Variants in RB1 observed in about 807,000 individuals in gnomAD.
The protein encoded by RB1 is retinoblastoma-associated protein.
A neutral mutation model predicts 135.4 loss-of-function variants in RB1; 18 were observed. That is an observed-to-expected ratio of 0.13 (90% CI 0.09 to 0.20). RB1 has a LOEUF of 0.20. RB1 is among the 10% of genes least tolerant of loss of function. The probability of loss-of-function intolerance (pLI) is 1.00; values close to 1 mark genes in which losing one functional copy is unlikely to be tolerated. For missense variants in RB1, 868 were observed against 1,110.0 expected, an observed-to-expected ratio of 0.78 and a Z score of 3.10; for synonymous variants, 365 against 373.2, an observed-to-expected ratio of 0.98 and a Z score of 0.25.
At chr13:48,403,227 T>A (rs1345457304) in intron 17 of RB1, among the ~76,000 whole-genome samples, 1 of 152,144 alleles carries the variant, frequency 6.6e-6, no homozygotes, top group African/African-American at 2.4e-5. Context: ...CAATTGCTTT[T>A]AAAAATGAAA....
intron 2 of RB1, among the ~76,000 whole-genome samples, chr13:48,313,602 C>T (rs1236434740): frequency 6.6e-6 from 1 of 150,912 alleles, no homozygotes; most frequent in Non-Finnish European, 1.5e-5. Context: ...TGTGGATATC[C>T]AGTTGTCTCT....
intron 17 of RB1, among the ~76,000 whole-genome samples, chr13:48,436,903 C>G (rs1294241491): frequency 1.3e-5 from 2 of 152,140 alleles, no homozygotes; most frequent in African/African-American, 4.8e-5. Context: ...AAAACAATAG[C>G]AATTTCTGCC....
At chr13:48,452,717 G>GT (rs1332683400) in intron 17 of RB1, among the ~76,000 whole-genome samples, 7 of 151,030 alleles carry the variant, frequency 4.6e-5, no homozygotes, top group Non-Finnish European at 8.9e-5. Flanking sequence ...CACTTTCTTC[G>GT]TTTTTTTTCT....
At chr13:48,422,924 T>G (rs1030922759) in intron 17 of RB1, 1 of 152,256 alleles carries the variant, frequency 6.6e-6, no homozygotes, top group Non-Finnish European at 1.5e-5. Context: ...GAGGATCACT[T>G]GAGACCAGGA....
chr13:48,332,898 G>C (rs1379339101), intron 2 of RB1: 2 of 395,550 alleles, frequency 5.1e-6, no homozygotes, highest in African/African-American at 2.1e-5. Context: ...CTGCATTAAA[G>C]TTTAATTTGT....
intron 26 of RB1, among the ~76,000 whole-genome samples, chr13:48,479,601 T>C (rs1949524798): frequency 6.6e-6 from 1 of 152,110 alleles, no homozygotes; most frequent in Non-Finnish European, 1.5e-5. Flanking sequence ...CTCACAGGGA[T>C]ATATGATTTT....
intron 2 of RB1, among the ~76,000 whole-genome samples, chr13:48,338,842 C>G (rs1952412547): frequency 6.6e-6 from 1 of 152,114 alleles, no homozygotes; most frequent in Admixed American, 6.5e-5. Context: ...TGGTGACGTA[C>G]AGATGGGGGT....
At chr13:48,398,233 T>TA (rs141604364) in intron 17 of RB1, among the ~76,000 whole-genome samples, 7,391 of 152,228 alleles carry the variant, frequency 0.049, 600 homozygotes, top group African/African-American at 0.16. Flanking sequence ...ATTTTAATTT[T>TA]AAAAAATTCA....
chr13:48,481,036 C>A lies in RB1; in HGVS notation c.*965C>A. On this transcript the variant is annotated 3_prime_UTR_variant, in exon 27 of 27. Transcript: ENST00000267163. ...TAAACAGACTGTTAATTATAGGAGC[C>A]TTAATTTTTTTTTCATAGAGATTTG... 4.4e-6 allele frequency: 1 copy of A among 229,386 alleles called. No individual in the cohort carries two copies. The allele number at this position is 229,386 out of a possible 1,614,324, so 14.2% of individuals were successfully genotyped here.
chr13:48,380,666 T>G (rs777598157), intron 16 of RB1, among the ~76,000 whole-genome samples: 1 of 152,192 alleles, frequency 6.6e-6, no homozygotes, highest in Non-Finnish European at 1.5e-5. Context: ...TTACAATGTT[T>G]TTAAAAACAT....
At chr13:48,371,836 A>G (rs1952761604) in intron 11 of RB1, among the ~76,000 whole-genome samples, 1 of 152,124 alleles carries the variant, frequency 6.6e-6, no homozygotes, top group South Asian at 2.1e-4. Context: ...CCCATTACGA[A>G]CTGGGTGATA....
At chr13:48,306,827 A>G (rs1367013636) in intron 1 of RB1, among the ~76,000 whole-genome samples, 2 of 152,252 alleles carry the variant, frequency 1.3e-5, no homozygotes, top group African/African-American at 4.8e-5. Context: ...AAGCAGTCGC[A>G]TCATGTAAGA....
intron 17 of RB1, among the ~76,000 whole-genome samples, chr13:48,447,383 A>C (rs1949295886): frequency 6.6e-6 from 1 of 152,184 alleles, no homozygotes; most frequent in Admixed American, 6.5e-5. Context: ...TGTTACATTT[A>C]TGGCTCTACT....
intron 23 of RB1, among the ~76,000 whole-genome samples, chr13:48,465,915 G>A (rs968358324): frequency 1.4e-4 from 21 of 147,886 alleles, no homozygotes; most frequent in African/African-American, 3.7e-4. Flanking sequence ...CTACGCCCAC[G>A]GAATCTCGCT....
chr13:48,342,532 G>C, intron 2 of RB1, 67 bp from the exon 3 acceptor site: 1 of 998,322 alleles, frequency 1.0e-6, no homozygotes, highest in East Asian at 2.4e-5. Flanking sequence ...TTATAATACA[G>C]TTTTAACATA....
intron 17 of RB1, among the ~76,000 whole-genome samples, chr13:48,432,953 G>A (rs1949145364): frequency 6.6e-6 from 1 of 152,054 alleles, no homozygotes; most frequent in Non-Finnish European, 1.5e-5. Flanking sequence ...TTATATAGTT[G>A]AAATCAGAGA....
intron 2 of RB1, chr13:48,318,285 C>T: frequency 9.2e-7 from 1 of 1,083,844 alleles, no homozygotes; most frequent in Non-Finnish European, 1.3e-6. Context: ...CGGGAGCCCG[C>T]CCAGCTGCTC....
chr13:48,368,094 T>G (rs570854850), intron 10 of RB1, among the ~76,000 whole-genome samples: 2 of 152,178 alleles, frequency 1.3e-5, no homozygotes, highest in Non-Finnish European at 2.9e-5. Flanking sequence ...TCTTTTAATA[T>G]GAAACTGAAA....
intron 19 of RB1, among the ~76,000 whole-genome samples, chr13:48,456,566 C>T (rs553374275): frequency 2.6e-4 from 39 of 151,860 alleles, no homozygotes; most frequent in African/African-American, 8.7e-4. Flanking sequence ...TGACCGGTGG[C>T]GCCCTTGATC....
Sources: gnomAD v4.1 joint callset for allele counts (sites outside exome capture counted in the v4.1 genomes callset) on GRCh38, gnomAD v4.1.1 for gene constraint, MANE v1.5 for transcripts, NCBI Gene and HGNC (gene_info 2026-07-23, HGNC 2026-07-21) for gene names.